Variants in TMCC3 observed in about 807,000 individuals in gnomAD.
TMCC3 encodes transmembrane and coiled-coil domain protein 3.
Under a neutral mutation model 40.2 loss-of-function variants are expected in TMCC3, and 28 were observed. The observed-to-expected ratio is 0.70, with a 90% CI of 0.52 to 0.95. TMCC3 has a LOEUF of 0.95. TMCC3 is among the 40% of genes least tolerant of loss of function. The pLI is 0.00. For synonymous variants in TMCC3, 255 were observed against 248.5 expected (o/e 1.03, Z -0.25); for missense variants, 554 against 615.2 (o/e 0.90, Z 1.05).
intron 1 of TMCC3, among the ~76,000 whole-genome samples, chr12:94,612,791 C>T (rs2068824056): frequency 6.6e-6 from 1 of 152,060 alleles, no homozygotes; most frequent in African/African-American, 2.4e-5. Flanking sequence ...TGAAGCAATG[C>T]TAAAAGCAGA....
intron 1 of TMCC3, among the ~76,000 whole-genome samples, chr12:94,612,944 T>C (rs890753072): frequency 3.9e-5 from 6 of 152,184 alleles, no homozygotes; most frequent in African/African-American, 4.8e-5. Flanking sequence ...TAGGAGCACA[T>C]TGAAAATATA....
chr12:94,588,321 T>C lies in TMCC3; in HGVS notation c.79-5783A>G, dbSNP rs540975539. Among the ~76,000 whole-genome samples the C allele has an allele frequency of 2.6e-5, 4 of 152,196 alleles. No individual in the cohort carries two copies. In the East Asian group the frequency reaches 7.7e-4, roughly 29 times the overall value. On this transcript the variant is annotated intron_variant, in intron 1 of 3. Transcript: ENST00000261226. ...CACCCCCCAGCAAACAGAACCAGAA[T>C]GTAGGGCTCCTGTGGACCCTGGAAC...
chr12:94,607,419 T>G (rs1169396446), intron 1 of TMCC3, among the ~76,000 whole-genome samples: 2 of 152,194 alleles, frequency 1.3e-5, no homozygotes, highest in Non-Finnish European at 2.9e-5. Context: ...AAGTGATAAA[T>G]GTCCATGAAA....
chr12:94,578,551 T>A (rs765095710), intron 2 of TMCC3, 22 bp from the exon 3 acceptor site: 2 of 1,606,684 alleles, frequency 1.2e-6, no homozygotes, highest in South Asian at 2.2e-5. Flanking sequence ...AGGAGCCGAT[T>A]CCCAGTGTGA....
intron 1 of TMCC3, among the ~76,000 whole-genome samples, chr12:94,604,309 C>A (rs963927519): frequency 2.6e-5 from 4 of 152,066 alleles, no homozygotes; most frequent in African/African-American, 9.7e-5. Context: ...TTACTTAGAC[C>A]AAATTGTTTT....
chr12:94,594,198 AATATATAT>A (rs59083165), intron 1 of TMCC3, among the ~76,000 whole-genome samples: 4 of 145,494 alleles, frequency 2.7e-5, no homozygotes, highest in South Asian at 4.3e-4. Flanking sequence ...TTTAAATTTA[AATATATAT>A]ATATATATAT....
At chr12:94,596,469 C>A (rs772835527) in intron 1 of TMCC3, among the ~76,000 whole-genome samples, 2 of 152,144 alleles carry the variant, frequency 1.3e-5, no homozygotes, top group Non-Finnish European at 2.9e-5. Flanking sequence ...TTTCAAGGAC[C>A]AAGTCAAACG....
At chr12:94,647,646 G>C (rs555991608) in intron 1 of TMCC3, among the ~76,000 whole-genome samples, 1 of 152,282 alleles carries the variant, frequency 6.6e-6, no homozygotes, top group South Asian at 2.1e-4. Context: ...TCCTCCCAAG[G>C]AGATGGTGAC....
intron 2 of TMCC3, 27 bp downstream of exon 2, chr12:94,581,595 A>C (rs777598568): frequency 8.5e-6 from 11 of 1,300,890 alleles, no homozygotes; most frequent in Non-Finnish European, 1.1e-5. Context: ...AAAATAAAAA[A>C]CACGCCAATG....
chr12:94,571,508 G>T lies in TMCC3; in HGVS notation c.1361C>A (p.Thr454Asn). The change falls in exon 4 of 4, where the codon ACT becomes AAT. Residue 454 changes from threonine (T) to asparagine (N), a missense_variant. Thr to Asn is a moderately conservative substitution (Grantham distance 65). Transcript: ENST00000261226. ...GTTTTTACAAAATATAGCAAGAAGAGTCACGGCAAAGAAGGTGCCAAGAAT... is the reference window on the plus strand; with the variant it reads ...GTTTTTACAAAATATAGCAAGAAGATTCACGGCAAAGAAGGTGCCAAGAAT... The part of the protein sequence containing the change: ...CHILGTFFAV[T>N]LLAIFCKNWD... 1.2e-6 allele frequency: 2 copies of T among 1,614,118 alleles called. No individual in the cohort carries two copies. The highest frequency in any genetic ancestry group is 1.7e-6 in the Non-Finnish European group (2 of 1,180,036).
chr12:94,578,165 A>AAAAAAAAAAAAAAAAAAAG (rs1467855760), intron 3 of TMCC3, among the ~76,000 whole-genome samples: 39 of 123,396 alleles, frequency 3.2e-4, no homozygotes, highest in African/African-American at 6.8e-4. Context: ...AAAAAAAAAA[A>AAAAAAAAAAAAAAAAAAAG]AAAGAAAAAG....
chr12:94,625,504 G>A (rs377286157), intron 1 of TMCC3, among the ~76,000 whole-genome samples: 1 of 149,666 alleles, frequency 6.7e-6, no homozygotes, highest in East Asian at 2.0e-4. Flanking sequence ...TGAGGCAGGA[G>A]AACGGCTTGA....
rs1459100041 is a variant in TMCC3, at chr12:94,567,359, T to G, written c.*4076A>C. On this transcript the variant is annotated 3_prime_UTR_variant, in exon 4 of 4. Transcript: ENST00000261226. ...TTCTACTTTCAGAGTTGCTAACTAC[T>G]GCCTAAACATATCTTAAACACAGAG... 6.6e-6 allele frequency: 1 copy of G among 152,264 alleles called. No individual in the cohort carries two copies. The highest frequency in any genetic ancestry group is 1.5e-5 in the Non-Finnish European group (1 of 68,042). The allele number at this position is 152,264 out of a possible 1,614,324, so 9.4% of individuals were successfully genotyped here.
At chr12:94,635,976 G>A (rs1455769543) in intron 1 of TMCC3, among the ~76,000 whole-genome samples, 3 of 151,964 alleles carry the variant, frequency 2.0e-5, no homozygotes, top group African/African-American at 7.3e-5. Flanking sequence ...GCCTCAAAAT[G>A]TTCATTTCAA....
intron 1 of TMCC3, among the ~76,000 whole-genome samples, chr12:94,616,765 T>C (rs1035825498): frequency 2.0e-5 from 3 of 152,126 alleles, no homozygotes; most frequent in African/African-American, 7.2e-5. Context: ...GAAGTAAAGA[T>C]TTGGAGGACT....
At chr12:94,622,531 C>T (rs2068881058) in intron 1 of TMCC3, among the ~76,000 whole-genome samples, 1 of 152,094 alleles carries the variant, frequency 6.6e-6, no homozygotes, top group Admixed American at 6.6e-5. Flanking sequence ...AAAATAAGCA[C>T]TGATCCCTAT....
chr12:94,595,390 A>G (rs7970272), intron 1 of TMCC3, among the ~76,000 whole-genome samples: 56,044 of 151,954 alleles, frequency 0.37, 10,538 homozygotes, highest in Admixed American at 0.44. Context: ...CCATTCCTAG[A>G]GCATCCAGAG....
At position 94,604,207 on chromosome 12, in the gene TMCC3, T is replaced by C. The variant is rs531390565; in HGVS notation, c.79-21669A>G. ...CATGTTGATCCAGATTGCTAATGCC[T>C]TGTTTTATTACATAATAGTCATTTA... On this transcript the variant is annotated intron_variant, in intron 1 of 3. Coordinates refer to ENST00000261226, the MANE Select transcript of TMCC3 (RefSeq NM_020698.4). 6.6e-5 allele frequency among the ~76,000 whole-genome samples: 10 copies of C among 152,348 alleles called. No individual in the cohort carries two copies. The South Asian group carries it at 2.1e-3, about 32-fold the overall frequency.
intron 1 of TMCC3, among the ~76,000 whole-genome samples, 160 bp downstream of exon 1, chr12:94,650,192 AC>A (rs1017457693): frequency 6.6e-6 from 1 of 151,784 alleles, no homozygotes; most frequent in Non-Finnish European, 1.5e-5. Flanking sequence ...CCCGACGCCC[AC>A]CCTTTTAGCT....
Sources: gnomAD v4.1 joint callset for allele counts (sites outside exome capture counted in the v4.1 genomes callset) on GRCh38, gnomAD v4.1.1 for gene constraint, MANE v1.5 for transcripts, NCBI Gene and HGNC (gene_info 2026-07-23, HGNC 2026-07-21) for gene names.